The following MTMR9 variants were observed in gnomAD, a reference collection of about 807,000 sequenced individuals.
The protein encoded by MTMR9 is myotubularin-related protein 9.
MTMR9 carries 39 observed loss-of-function variants against 69.5 expected under a neutral mutation model. The observed-to-expected ratio is 0.56, with a 90% CI of 0.43 to 0.73. The LOEUF (loss-of-function observed/expected upper bound fraction) is 0.73, where lower values mean the gene tolerates loss of function less well. Ranked by LOEUF, MTMR9 falls within the 30% of genes least tolerant of loss-of-function variation. MTMR9 has a pLI of 0.00. For missense variants in MTMR9, 900 were observed against 671.2 expected (o/e 1.34, Z -3.77); for synonymous variants, 354 against 240.8 (o/e 1.47, Z -4.35).
intron 1 of MTMR9, among the ~76,000 whole-genome samples, chr8:11,289,162 G>A (rs1032466897): frequency 6.6e-6 from 1 of 152,170 alleles, no homozygotes; most frequent in Non-Finnish European, 1.5e-5. Flanking sequence ...GACAGAGTGA[G>A]TCTCTGTCTC....
chr8:11,288,318 A>C (rs1041037303), intron 1 of MTMR9, among the ~76,000 whole-genome samples: 1 of 140,310 alleles, frequency 7.1e-6, no homozygotes, highest in Non-Finnish European at 1.5e-5. Flanking sequence ...ATGTATATAT[A>C]ATATATATAC....
chr8:11,287,961 CTATGTATTATA>C (rs1363964264), intron 1 of MTMR9, among the ~76,000 whole-genome samples: 6 of 116,096 alleles, frequency 5.2e-5, no homozygotes, highest in South Asian at 5.0e-4. Flanking sequence ...GTATTATATA[CTATGTATTATA>C]TATGTATTAT....
chr8:11,302,436 G>A (rs1799783768), intron 3 of MTMR9, among the ~76,000 whole-genome samples: 1 of 151,958 alleles, frequency 6.6e-6, no homozygotes, highest in Non-Finnish European at 1.5e-5. Context: ...TAGACATGTT[G>A]TTGTTCAGCT....
chr8:11,309,584 A>G lies in MTMR9; in HGVS notation c.867A>G (p.Thr289=). 1 of 1,613,966 alleles carries G rather than the reference A, an allele frequency of 6.2e-7. No individual in the cohort carries two copies. Among genetic ancestry groups the G allele is most frequent in the East Asian group, 2.2e-5 (1 of 44,884 alleles). The part of the protein sequence containing the change: ...IKLVEACNDQ[T]HNMDRWLSKL... ...TTGTGGAAGCTTGTAATGACCAAAC[A>G]CATAACATGGACCGATGGCTCAGTA... Residue 289 remains threonine (T), a synonymous_variant, in exon 6 of 10, where the codon ACA becomes ACG. Coordinates refer to ENST00000221086, the MANE Select transcript of MTMR9 (RefSeq NM_015458.4).
intron 1 of MTMR9, among the ~76,000 whole-genome samples, chr8:11,290,148 C>G (rs989942454): frequency 3.9e-5 from 6 of 152,120 alleles, no homozygotes; most frequent in Non-Finnish European, 1.5e-5. Context: ...TTTTTCCAGT[C>G]TGAAGATTGT....
chr8:11,310,496 A>C (rs1278683793), intron 6 of MTMR9, among the ~76,000 whole-genome samples: 1 of 152,186 alleles, frequency 6.6e-6, no homozygotes, highest in South Asian at 2.1e-4. Flanking sequence ...AGAAATTCAT[A>C]ATAGAATGGG....
intron 2 of MTMR9, among the ~76,000 whole-genome samples, chr8:11,296,554 C>T (rs569685823): frequency 2.0e-5 from 3 of 152,304 alleles, no homozygotes; most frequent in African/African-American, 7.2e-5. Context: ...CTCTCTCCAG[C>T]TCCTGAGAAC....
At chr8:11,337,902 C>T in the MTMR9 span, among the ~76,000 whole-genome samples, 3 of 152,302 alleles carry the variant, frequency 2.0e-5, no homozygotes, top group East Asian at 1.9e-4. Context: ...TTTACTGCCA[C>T]CACCTCTCAA....
chr8:11,302,351 A>G (rs528143400), intron 3 of MTMR9, among the ~76,000 whole-genome samples: 3 of 151,524 alleles, frequency 2.0e-5, no homozygotes, highest in Non-Finnish European at 4.4e-5. Context: ...ATAATTCTCC[A>G]GAATCAGTAG....
Position 11,327,854 on chromosome 8 carries a change from A to G in MTMR9, c.*5066A>G, listed in dbSNP as rs971651313. 1.9e-4 allele frequency: 29 copies of G among 152,726 alleles called. No individual in the cohort carries two copies. The highest frequency in any genetic ancestry group is 6.7e-4 in the African/African-American group (28 of 41,570). The allele number at this position is 152,726 out of a possible 1,614,324, so 9.5% of individuals were successfully genotyped here. A position where few individuals can be genotyped will look rare whatever the true frequency, so the allele number is the denominator to read the frequency against. On this transcript the variant is annotated 3_prime_UTR_variant, in exon 10 of 10. Coordinates refer to ENST00000221086, the MANE Select transcript of MTMR9 (RefSeq NM_015458.4). ...TACATACAGTCTTAGGGAAAAAAAA[A>G]AGCAGAACTTTTGTAAGTCTGTGTA... is the stretch of plus-strand genomic sequence containing the variant.
chr8:11,329,620 A>T (rs181754036), downstream of MTMR9, among the ~76,000 whole-genome samples: 1,527 of 152,288 alleles, frequency 0.01, 24 homozygotes, highest in African/African-American at 0.034. Context: ...TCAGTGCTCA[A>T]TGTTGCCCAG....
chr8:11,302,267 A>G (rs1014503807), intron 3 of MTMR9, among the ~76,000 whole-genome samples: 1 of 121,056 alleles, frequency 8.3e-6, no homozygotes, highest in Non-Finnish European at 1.6e-5. Context: ...AAAAAAAAAA[A>G]AAAAAAAGAG....
intron 2 of MTMR9, chr8:11,297,764 A>G (rs1414861702): frequency 2.4e-6 from 1 of 408,206 alleles, no homozygotes; most frequent in Non-Finnish European, 4.9e-6. Flanking sequence ...GACTCATTAT[A>G]TAAAAGCCCT....
chr8:11,313,911 A>G (rs1394008021), intron 6 of MTMR9, among the ~76,000 whole-genome samples: 1 of 152,260 alleles, frequency 6.6e-6, no homozygotes, highest in Non-Finnish European at 1.5e-5. Context: ...AATGGGTGCC[A>G]GCATACTTAA....
chr8:11,330,445 A>G (rs1231926650), downstream of MTMR9, among the ~76,000 whole-genome samples: 2 of 152,262 alleles, frequency 1.3e-5, no homozygotes, highest in African/African-American at 4.8e-5. Context: ...AGAACGGGCC[A>G]TGATGACGAT....
At chr8:11,337,673 G>A in the MTMR9 span, among the ~76,000 whole-genome samples, 3 of 152,196 alleles carry the variant, frequency 2.0e-5, no homozygotes, top group Admixed American at 1.3e-4. Context: ...AAGTAGACTC[G>A]GTCCTGCTAG....
intron 3 of MTMR9, chr8:11,300,592 A>T (rs1799715533): frequency 6.6e-6 from 1 of 152,274 alleles, no homozygotes; most frequent in African/African-American, 2.4e-5. Context: ...CTAGAAAAAA[A>T]AAGCAAAGTA....
downstream of MTMR9, among the ~76,000 whole-genome samples, chr8:11,328,489 T>A (rs1042024109): frequency 6.6e-6 from 1 of 152,178 alleles, no homozygotes; most frequent in Non-Finnish European, 1.5e-5. Flanking sequence ...TACATATTAT[T>A]GATTTAGTAT....
downstream of MTMR9, chr8:11,331,981 T>C (rs1175760084): frequency 6.2e-7 from 1 of 1,611,830 alleles, no homozygotes; most frequent in African/African-American, 1.3e-5. Flanking sequence ...GAGGTGGTTG[T>C]GGCCCTTATA....
Sources: gnomAD v4.1 joint callset for allele counts (sites outside exome capture counted in the v4.1 genomes callset) on GRCh38, gnomAD v4.1.1 for gene constraint, MANE v1.5 for transcripts, NCBI Gene and HGNC (gene_info 2026-07-23, HGNC 2026-07-21) for gene names.